Variants in IMPG1 observed in about 807,000 individuals in gnomAD.
IMPG1 encodes interphotoreceptor matrix proteoglycan of 150 kDa.
IMPG1 carries 85 observed loss-of-function variants against 92.0 expected under a neutral mutation model. The ratio of observed to expected loss-of-function variants is 0.92; its 90% CI spans 0.78 to 1.11. The LOEUF (loss-of-function observed/expected upper bound fraction) is 1.11, where lower values mean the gene tolerates loss of function less well. Among genes scored for constraint, IMPG1 ranks in the 50% least tolerant of loss-of-function variants. The pLI is 0.00. For synonymous variants in IMPG1, 367 were observed against 334.1 expected, an observed-to-expected ratio of 1.10 and a Z score of -1.08; for missense variants, 1,022 against 956.0, an observed-to-expected ratio of 1.07 and a Z score of -0.91.
intron 6 of IMPG1, among the ~76,000 whole-genome samples, chr6:76,020,187 G>A (rs958494421): frequency 6.6e-6 from 1 of 151,958 alleles, no homozygotes; most frequent in African/African-American, 2.4e-5. Context: ...CAAGTAGCTG[G>A]GACTACAGGC....
intron 15 of IMPG1, among the ~76,000 whole-genome samples, chr6:75,927,344 G>T (rs1053515278): frequency 2.6e-5 from 4 of 152,108 alleles, no homozygotes; most frequent in Non-Finnish European, 5.9e-5. Context: ...TTAAATTTGG[G>T]TCTAACTTTA....
At chr6:76,005,619 C>T (rs1261141209) in intron 9 of IMPG1, 85 bp from the exon 10 acceptor site, 3 of 1,429,296 alleles carry the variant, frequency 2.1e-6, no homozygotes, top group South Asian at 1.3e-5. Flanking sequence ...TACAAAGCTT[C>T]AGGATAGCTT....
chr6:75,939,840 T>C (rs1231663782), intron 14 of IMPG1, among the ~76,000 whole-genome samples: 1 of 152,224 alleles, frequency 6.6e-6, no homozygotes, highest in Non-Finnish European at 1.5e-5. Flanking sequence ...GAGGGCGCCT[T>C]GCTCTAAGTT....
chr6:76,042,908 A>T (rs1260671709), intron 1 of IMPG1, among the ~76,000 whole-genome samples: 1 of 152,094 alleles, frequency 6.6e-6, no homozygotes, highest in Non-Finnish European at 1.5e-5. Context: ...TTAATTTTGA[A>T]TTTTTATATG....
chr6:75,963,866 T>C (rs1315768093), intron 12 of IMPG1, among the ~76,000 whole-genome samples: 1 of 152,224 alleles, frequency 6.6e-6, no homozygotes, highest in Non-Finnish European at 1.5e-5. Context: ...CTCAAAAGGC[T>C]GGCCTTTATC....
intron 12 of IMPG1, among the ~76,000 whole-genome samples, chr6:75,982,139 T>C (rs1030096701): frequency 6.6e-6 from 1 of 152,164 alleles, no homozygotes; most frequent in Admixed American, 6.5e-5. Flanking sequence ...AAATTCAGCT[T>C]TATAGGATAT....
chr6:75,929,936 T>G (rs1167586722), intron 15 of IMPG1, among the ~76,000 whole-genome samples: 2 of 152,200 alleles, frequency 1.3e-5, no homozygotes, highest in Non-Finnish European at 2.9e-5. Context: ...CTTGGCACCC[T>G]TGTGGAAAAT....
At chr6:75,923,550 A>C in intron 16 of IMPG1, 84 bp downstream of exon 16, 1 of 712,770 alleles carries the variant, frequency 1.4e-6, no homozygotes, top group South Asian at 1.6e-5. Flanking sequence ...ATCTCTATTT[A>C]AAATAAGAGG....
chr6:75,976,929 T>A (rs1264950781), intron 12 of IMPG1, among the ~76,000 whole-genome samples: 1 of 149,614 alleles, frequency 6.7e-6, no homozygotes, highest in African/African-American at 2.5e-5. Context: ...AAAAAAAGAA[T>A]CCTGAGGAGT....
At chr6:76,038,862 C>T (rs1270461256) in intron 2 of IMPG1, among the ~76,000 whole-genome samples, 2 of 152,250 alleles carry the variant, frequency 1.3e-5, no homozygotes, top group Non-Finnish European at 2.9e-5. Context: ...ACCCTGGAGG[C>T]CAGGCATGGC....
At chr6:75,986,587 A>T (rs1782722077) in intron 12 of IMPG1, among the ~76,000 whole-genome samples, 1 of 152,224 alleles carries the variant, frequency 6.6e-6, no homozygotes, top group Admixed American at 6.5e-5. Flanking sequence ...TAGGAGAATG[A>T]TGCTGGTAAT....
At position 76,005,495 on chromosome 6, in the gene IMPG1, C is replaced by T. The variant is rs890501728; in HGVS notation, c.927G>A (p.Lys309=). Residue 309 remains lysine (K), a synonymous_variant, in exon 10 of 17, where the codon AAG becomes AAA. Transcript: ENST00000369950. ...STEMQLTAIF[K]RHSAEAKSPA... is the part of the protein sequence containing the mutation. ...GGCTTTTTGCTTCTGCACTGTGTCT[C>T]TTAAAGATGGCCGTAAGTTGCATCT... 1.4e-5 allele frequency: 22 copies of T among 1,613,860 alleles called. No individual in the cohort carries two copies. Among genetic ancestry groups the T allele is most frequent in the Non-Finnish European group, 1.6e-5 (19 of 1,179,958 alleles).
intron 1 of IMPG1, among the ~76,000 whole-genome samples, chr6:76,043,676 A>G (rs780273387): frequency 6.6e-6 from 1 of 152,234 alleles, no homozygotes; most frequent in Non-Finnish European, 1.5e-5. Context: ...ACTATTTTAT[A>G]GATCTACTAA....
chr6:76,066,788 C>A (rs1055650235), intron 1 of IMPG1, among the ~76,000 whole-genome samples: 2 of 151,982 alleles, frequency 1.3e-5, no homozygotes, highest in Non-Finnish European at 2.9e-5. Context: ...CCAAGAAAAA[C>A]CGTATGTCAG....
At chr6:76,034,378 A>G (rs772294280) in intron 3 of IMPG1, 35 bp from the exon 4 acceptor site, 2 of 1,586,738 alleles carry the variant, frequency 1.3e-6, no homozygotes, top group Non-Finnish European at 1.7e-6. Flanking sequence ...TAATTTTACC[A>G]GGAGATAATG....
intron 4 of IMPG1, among the ~76,000 whole-genome samples, chr6:76,025,559 G>A (rs3798579): frequency 0.43 from 65,406 of 151,872 alleles, 14,551 homozygotes; most frequent in East Asian, 0.65. Context: ...GTCTAATGTT[G>A]TAGTTCCATT....
chr6:75,978,170 TC>T (rs1314347248), intron 12 of IMPG1, among the ~76,000 whole-genome samples: 2 of 152,142 alleles, frequency 1.3e-5, no homozygotes, highest in African/African-American at 4.8e-5. Context: ...CCAAAACTTT[TC>T]CCATTATTTG....
chr6:76,048,433 C>G (rs1229016586), intron 1 of IMPG1, among the ~76,000 whole-genome samples: 7 of 152,182 alleles, frequency 4.6e-5, no homozygotes, highest in African/African-American at 1.7e-4. Flanking sequence ...GCATCCAGCA[C>G]AGCATCTGCT....
intron 12 of IMPG1, among the ~76,000 whole-genome samples, chr6:75,997,409 G>A (rs1013517254): frequency 6.6e-6 from 1 of 152,108 alleles, no homozygotes; most frequent in Non-Finnish European, 1.5e-5. Flanking sequence ...TCTTTGCCAA[G>A]CCTTCCTGAT....
Sources: gnomAD v4.1 joint callset for allele counts (sites outside exome capture counted in the v4.1 genomes callset) on GRCh38, gnomAD v4.1.1 for gene constraint, MANE v1.5 for transcripts, NCBI Gene and HGNC (gene_info 2026-07-23, HGNC 2026-07-21) for gene names.